TIAM2: variants seen among roughly 807,000 people sequenced by gnomAD.
TIAM2 encodes the protein rho guanine nucleotide exchange factor TIAM2.
A neutral mutation model predicts 152.9 loss-of-function variants in TIAM2; 80 were observed. The observed-to-expected ratio is 0.52, with a 90% CI of 0.44 to 0.63. The LOEUF (loss-of-function observed/expected upper bound fraction) is 0.63. Among genes scored for constraint, TIAM2 ranks in the 30% least tolerant of loss-of-function variants. The pLI is 0.00. For missense variants in TIAM2, 1,965 were observed against 2,120.1 expected (o/e 0.93, Z 1.44); for synonymous variants, 804 against 838.0 (o/e 0.96, Z 0.70).
At chr6:155,172,663 TA>T (rs1562341064) in intron 9 of TIAM2, among the ~76,000 whole-genome samples, 8 of 7,946 alleles carry the variant, frequency 1.0e-3, no homozygotes, top group Non-Finnish European at 2.1e-3. Context: ...TATATATATA[TA>T]TATATATATA....
intron 1 of TIAM2, among the ~76,000 whole-genome samples, chr6:155,028,078 A>G (rs1776652557): frequency 8.2e-6 from 1 of 122,334 alleles, no homozygotes; most frequent in South Asian, 2.6e-4. Context: ...TAATATATGT[A>G]CTGTGTTACA....
chr6:155,256,599 G>A lies in TIAM2; in HGVS notation c.4584G>A (p.Gln1528=), dbSNP rs756659218. 1 of 1,614,168 alleles carries A rather than the reference G, an allele frequency of 6.2e-7. No individual in the cohort carries two copies. Among genetic ancestry groups the A allele is most frequent in the South Asian group, 1.1e-5 (1 of 91,076 alleles). ...AGGGCAGCTTGAGCAGCGGCACCCAGAGCAGCGGCTGCCCCACGGCTGAGG... is the reference window on the plus strand; with the variant it reads ...AGGGCAGCTTGAGCAGCGGCACCCAAAGCAGCGGCTGCCCCACGGCTGAGG... The part of the protein sequence containing the change: ...SDEGSLSSGT[Q]SSGCPTAEGR... Residue 1528 remains glutamine (Q), a synonymous_variant, in exon 27 of 27, where the codon CAG becomes CAA. Coordinates refer to ENST00000682666, the MANE Select transcript of TIAM2 (RefSeq NM_012454.4).
chr6:155,179,869 C>T (rs1173605639), intron 12 of TIAM2, among the ~76,000 whole-genome samples: 1 of 152,214 alleles, frequency 6.6e-6, no homozygotes, highest in Non-Finnish European at 1.5e-5. Context: ...CTTCCCCCAT[C>T]CCTCCTCTCT....
chr6:155,152,870 T>A (rs912164406), intron 7 of TIAM2, among the ~76,000 whole-genome samples: 42 of 152,284 alleles, frequency 2.8e-4, no homozygotes, highest in Non-Finnish European at 4.4e-4. Flanking sequence ...GACATTTTTT[T>A]AAAAATTTAA....
intron 2 of TIAM2, among the ~76,000 whole-genome samples, chr6:155,103,388 A>C (rs562654541): frequency 6.6e-6 from 1 of 152,256 alleles, no homozygotes; most frequent in East Asian, 1.9e-4. Flanking sequence ...TCTACATATA[A>C]AATGTATCAA....
At chr6:155,074,871 A>AAC (rs1206479660) in intron 1 of TIAM2, among the ~76,000 whole-genome samples, 4 of 151,400 alleles carry the variant, frequency 2.6e-5, no homozygotes, top group African/African-American at 9.7e-5. Flanking sequence ...AAAAAAAAAA[A>AAC]AAAAAAACCT....
chr6:154,998,980 G>T (rs1018867914), intron 1 of TIAM2, among the ~76,000 whole-genome samples: 1 of 152,098 alleles, frequency 6.6e-6, no homozygotes, highest in Non-Finnish European at 1.5e-5. Context: ...GGGTAAAGTA[G>T]GCATGTGATA....
At chr6:155,081,405 GA>G (rs33989916) in intron 1 of TIAM2, among the ~76,000 whole-genome samples, 117,702 of 145,020 alleles carry the variant, frequency 0.81, 47,623 homozygotes, top group East Asian at 0.98. Flanking sequence ...TGAGTCTTCT[GA>G]AAAAAAAAAA....
chr6:155,056,123 A>G (rs117141713), intron 1 of TIAM2, among the ~76,000 whole-genome samples: 3,245 of 147,416 alleles, frequency 0.022, 149 homozygotes, highest in Admixed American at 0.13. Flanking sequence ...TGTATGCTCT[A>G]TGATGCTGTC....
intron 1 of TIAM2, among the ~76,000 whole-genome samples, chr6:155,086,340 G>C (rs1778170059): frequency 6.6e-6 from 1 of 152,204 alleles, no homozygotes; most frequent in Non-Finnish European, 1.5e-5. Context: ...TCTGCAAAGT[G>C]AACAGGGATG....
intron 1 of TIAM2, among the ~76,000 whole-genome samples, chr6:155,085,802 C>T (rs1056585453): frequency 6.6e-6 from 1 of 152,218 alleles, no homozygotes; most frequent in Non-Finnish European, 1.5e-5. Context: ...AAGCATGAGC[C>T]ATCAGTCTTG....
intron 7 of TIAM2, among the ~76,000 whole-genome samples, chr6:155,152,725 T>G (rs1201414144): frequency 2.0e-5 from 3 of 151,878 alleles, no homozygotes; most frequent in African/African-American, 7.3e-5. Context: ...AGTTTTCAGG[T>G]CTTTGGGTAG....
chr6:155,256,232 A>C, intron 26 of TIAM2: 1 of 598,044 alleles, frequency 1.7e-6, no homozygotes, highest in East Asian at 2.8e-5. Context: ...TCTAGTGTCT[A>C]GTTCTATTTA....
intron 15 of TIAM2, among the ~76,000 whole-genome samples, chr6:155,225,917 G>A (rs1782224299): frequency 6.6e-6 from 1 of 152,122 alleles, no homozygotes; most frequent in Admixed American, 6.5e-5. Flanking sequence ...GGGCACACAG[G>A]GTATCTGTGC....
chr6:155,026,826 T>C (rs1450730269), intron 1 of TIAM2, among the ~76,000 whole-genome samples: 1 of 152,214 alleles, frequency 6.6e-6, no homozygotes, highest in African/African-American at 2.4e-5. Flanking sequence ...GGCTTTTGTA[T>C]GTAGTTACGG....
At chr6:155,241,401 G>A (rs572370876) in intron 16 of TIAM2, among the ~76,000 whole-genome samples, 5 of 152,278 alleles carry the variant, frequency 3.3e-5, no homozygotes, top group African/African-American at 7.2e-5. Context: ...AGCGCGGCAC[G>A]GTGCGGTGGG....
At chr6:155,053,238 A>G (rs944395536) in intron 1 of TIAM2, among the ~76,000 whole-genome samples, 3 of 152,224 alleles carry the variant, frequency 2.0e-5, no homozygotes, top group Non-Finnish European at 4.4e-5. Context: ...AGAGCAAAGG[A>G]GGAAGGCAAC....
At chr6:155,135,810 A>T (rs1275800044) in intron 4 of TIAM2, among the ~76,000 whole-genome samples, 1 of 152,184 alleles carries the variant, frequency 6.6e-6, no homozygotes, top group Admixed American at 6.5e-5. Flanking sequence ...CAGTACCTAG[A>T]ATAAAATAGG....
intron 1 of TIAM2, among the ~76,000 whole-genome samples, chr6:155,056,371 C>T (rs967704597): frequency 9.9e-5 from 15 of 151,986 alleles, no homozygotes; most frequent in Non-Finnish European, 2.2e-4. Flanking sequence ...GGGGTTTCAC[C>T]ATGTTGGCCA....
Sources: allele counts gnomAD v4.1 joint callset (sites outside exome capture counted in the v4.1 genomes callset), GRCh38; gene constraint gnomAD v4.1.1; transcripts MANE v1.5; gene names NCBI Gene and HGNC (gene_info 2026-07-23, HGNC 2026-07-21).